The following MTHFD2L variants were observed in gnomAD, a reference collection of about 807,000 sequenced individuals.
MTHFD2L encodes the protein bifunctional methylenetetrahydrofolate dehydrogenase/cyclohydrolase 2, mitochondrial.
In MTHFD2L, 29 loss-of-function variants were observed where a neutral mutation model predicts 34.9. The ratio of observed to expected loss-of-function variants is 0.83; its 90% confidence interval spans 0.62 to 1.13. The LOEUF (loss-of-function observed/expected upper bound fraction) is 1.13. Ranked by LOEUF, MTHFD2L falls within the 50% of genes most tolerant of loss-of-function variation. The probability of loss-of-function intolerance (pLI) is 0.00; values close to 1 mark genes in which losing one functional copy is unlikely to be tolerated. For missense variants in MTHFD2L, 481 were observed against 446.5 expected (o/e 1.08, Z -0.70); for synonymous variants, 167 against 155.7 (o/e 1.07, Z -0.54).
chr4:74,269,453 T>C (rs1745694207), intron 6 of MTHFD2L, among the ~76,000 whole-genome samples: 1 of 152,074 alleles, frequency 6.6e-6, no homozygotes, highest in South Asian at 2.1e-4. Flanking sequence ...ATGGGAGTTT[T>C]GAAAACTGCT....
At chr4:74,237,809 C>T (rs1208890633) in intron 6 of MTHFD2L, among the ~76,000 whole-genome samples, 3 of 152,158 alleles carry the variant, frequency 2.0e-5, no homozygotes, top group African/African-American at 7.2e-5. Context: ...TGACTCAGAG[C>T]TTGCACCTGC....
intron 1 of MTHFD2L, among the ~76,000 whole-genome samples, chr4:74,133,860 A>C (rs1477603196): frequency 6.6e-6 from 1 of 152,094 alleles, no homozygotes; most frequent in Non-Finnish European, 1.5e-5. Context: ...ACCAGAAACC[A>C]AAAAGAAATA....
At chr4:74,274,343 T>G (rs1320923566) in intron 6 of MTHFD2L, among the ~76,000 whole-genome samples, 3 of 152,212 alleles carry the variant, frequency 2.0e-5, no homozygotes, top group Non-Finnish European at 4.4e-5. Flanking sequence ...AAAGGGCTTC[T>G]TATTCATAGA....
Position 74,187,312 on chromosome 4 carries a change from C to A in MTHFD2L, c.451+11909C>A, listed in dbSNP as rs1453355021. Among the ~76,000 whole-genome samples, 8 of 152,098 alleles carry A rather than the reference C, an allele frequency of 5.3e-5. No individual in the cohort carries two copies. The East Asian group carries it at 1.5e-3, about 29-fold the overall frequency. On this transcript the variant is annotated intron_variant, in intron 3 of 7. Coordinates refer to ENST00000325278, the MANE Select transcript of MTHFD2L (RefSeq NM_001144978.3). ...CGCTCCAGAATAGAATGTCAAAGAA[C>A]TGTGGGATATTTTCAAAAGGTACAT...
intron 6 of MTHFD2L, chr4:74,267,073 CT>C: frequency 1.0e-6 from 1 of 985,312 alleles, no homozygotes; most frequent in African/African-American, 1.7e-5. Context: ...TGCTTTGATC[CT>C]TTTACACACT....
intron 5 of MTHFD2L, among the ~76,000 whole-genome samples, chr4:74,205,067 G>A (rs1459825087): frequency 1.3e-5 from 2 of 152,110 alleles, no homozygotes; most frequent in South Asian, 2.1e-4. Flanking sequence ...CCTGGGTGCC[G>A]TTAGAATTAC....
At chr4:74,115,153 T>C (rs1721636663) in intron 2 of MTHFD2L, among the ~76,000 whole-genome samples, 2 of 152,230 alleles carry the variant, frequency 1.3e-5, no homozygotes, top group African/African-American at 4.8e-5. Context: ...ATGATGACTA[T>C]TTCTTCTTCA....
At chr4:74,257,853 A>G (rs1744219069) in intron 6 of MTHFD2L, among the ~76,000 whole-genome samples, 1 of 152,170 alleles carries the variant, frequency 6.6e-6, no homozygotes, top group South Asian at 2.1e-4. Context: ...ATATATAAGT[A>G]AGTCATACAA....
At chr4:74,285,149 T>C (rs1193992544) in intron 7 of MTHFD2L, among the ~76,000 whole-genome samples, 1 of 151,566 alleles carries the variant, frequency 6.6e-6, no homozygotes, top group Admixed American at 6.6e-5. Flanking sequence ...ATGAGAACAC[T>C]TGGACACAGG....
intron 6 of MTHFD2L, among the ~76,000 whole-genome samples, chr4:74,225,804 G>T (rs565465790): frequency 4.6e-5 from 7 of 152,252 alleles, no homozygotes; most frequent in African/African-American, 1.7e-4. Context: ...TCACTATGCT[G>T]CCCTAAACAC....
intron 1 of MTHFD2L, among the ~76,000 whole-genome samples, chr4:74,174,022 A>G (rs1728537991): frequency 6.6e-6 from 1 of 152,286 alleles, no homozygotes; most frequent in Admixed American, 6.5e-5. Context: ...TGGGAAGTCC[A>G]AGGTCAGTAC....
chr4:74,246,614 C>G (rs537100180), intron 6 of MTHFD2L, among the ~76,000 whole-genome samples: 2 of 152,200 alleles, frequency 1.3e-5, no homozygotes, highest in Admixed American at 6.5e-5. Flanking sequence ...AGTTTTAGGT[C>G]TAACATTTAA....
At chr4:74,245,806 C>T (rs573997536) in intron 6 of MTHFD2L, among the ~76,000 whole-genome samples, 1 of 152,088 alleles carries the variant, frequency 6.6e-6, no homozygotes, top group South Asian at 2.1e-4. Flanking sequence ...AGGACATGAA[C>T]TCATCCTTTT....
chr4:74,161,446 T>C (rs1362493626), intron 1 of MTHFD2L: 4 of 152,218 alleles, frequency 2.6e-5, no homozygotes, highest in African/African-American at 9.7e-5. Flanking sequence ...CTGTATGTGT[T>C]CTACTGAAAT....
chr4:74,191,615 A>T (rs1190827479), intron 3 of MTHFD2L, among the ~76,000 whole-genome samples: 1 of 151,962 alleles, frequency 6.6e-6, no homozygotes, highest in African/African-American at 2.4e-5. Flanking sequence ...CATTGGCTTG[A>T]TCTCAGCTCA....
At chr4:74,204,194 C>T (rs74994406) in intron 5 of MTHFD2L, among the ~76,000 whole-genome samples, 3,498 of 152,156 alleles carry the variant, frequency 0.023, 112 homozygotes, top group South Asian at 0.098. Context: ...CCTGTGATCT[C>T]GGGCAAGTCA....
At chr4:74,225,504 T>A in intron 6 of MTHFD2L, 110 bp downstream of exon 6, 1 of 774,572 alleles carries the variant, frequency 1.3e-6, no homozygotes. Context: ...TATGTATGAC[T>A]AACTTCTGTT....
intron 3 of MTHFD2L, among the ~76,000 whole-genome samples, chr4:74,182,099 A>G (rs1300252745): frequency 2.6e-5 from 4 of 152,012 alleles, no homozygotes; most frequent in Non-Finnish European, 5.9e-5. Context: ...CTAAATTTTA[A>G]TTTTACTTTG....
intron 6 of MTHFD2L, among the ~76,000 whole-genome samples, chr4:74,234,882 G>A (rs1371505235): frequency 6.6e-6 from 1 of 151,904 alleles, no homozygotes; most frequent in African/African-American, 2.4e-5. Flanking sequence ...AGCATCATTG[G>A]AGAGGAAGTA....
Sources: gnomAD v4.1 joint callset for allele counts (sites outside exome capture counted in the v4.1 genomes callset) on GRCh38, gnomAD v4.1.1 for gene constraint, MANE v1.5 for transcripts, NCBI Gene and HGNC (gene_info 2026-07-23, HGNC 2026-07-21) for gene names.